SLC4A4: variants seen among roughly 807,000 people sequenced by gnomAD.
The protein encoded by SLC4A4 is electrogenic sodium bicarbonate cotransporter 1.
SLC4A4 carries 27 observed loss-of-function variants against 111.5 expected under a neutral mutation model. The observed-to-expected ratio is 0.24, with a 90% CI of 0.18 to 0.33. The LOEUF is 0.33. SLC4A4 is among the 10% of genes least tolerant of loss of function. SLC4A4 has a pLI of 1.00. For missense variants in SLC4A4, 909 were observed against 1,315.5 expected (o/e 0.69, Z 4.78); for synonymous variants, 443 against 463.4 (o/e 0.96, Z 0.57).
In SLC4A4 at chr4:71,566,907, T is replaced by A. The variant is rs186893793; in HGVS notation, c.3197-97T>A. The A allele has an allele frequency of 2.0e-4, 182 of 908,708 alleles. 1 individual carries two copies. The African/African-American group carries it at 2.7e-3, about 13-fold the overall frequency. The allele number at this position is 908,708 out of a possible 1,614,324, so 56.3% of individuals were successfully genotyped here. ...TGCCTAAACTTGTCTTTTTTACTCT[T>A]ACCAGTTATGGAAGATGCATCAATT... On this transcript the variant is annotated intron_variant, in intron 24 of 25. Transcript: ENST00000264485.
chr4:71,128,453 C>G (rs149637608), intron 2 of SLC4A4, among the ~76,000 whole-genome samples: 1 of 151,904 alleles, frequency 6.6e-6, no homozygotes, highest in Non-Finnish European at 1.5e-5. Flanking sequence ...TATCAAAGAC[C>G]CTGTCTCAAA....
chr4:71,127,278 C>T (rs1008505949), intron 2 of SLC4A4, among the ~76,000 whole-genome samples: 5 of 152,252 alleles, frequency 3.3e-5, no homozygotes, highest in Non-Finnish European at 5.9e-5. Context: ...AGCGAGGGGT[C>T]CTGAACTTAA....
chr4:71,363,505 C>A lies in SLC4A4; in HGVS notation c.730+6318C>A, dbSNP rs533212974. ...TTGTTCTGCTTTCCAGGCCATCCCC[C>A]CAACTGCCCCATACCCTTGAATTCA... On this transcript the variant is annotated intron_variant, in intron 6 of 25. Coordinates refer to ENST00000264485, the MANE Select transcript of SLC4A4 (RefSeq NM_001098484.3). Among the ~76,000 whole-genome samples, 69 of 152,308 alleles carry A rather than the reference C, an allele frequency of 4.5e-4. No individual in the cohort carries two copies. In the South Asian group the frequency reaches 0.014, roughly 31 times the overall value.
chr4:71,102,440 G>A (rs1578481079), intron 2 of SLC4A4, among the ~76,000 whole-genome samples: 1 of 151,570 alleles, frequency 6.6e-6, no homozygotes, highest in Non-Finnish European at 1.5e-5. Context: ...CATACTCCTC[G>A]AGAAGAGCAA....
chr4:71,493,970 A>T (rs1730176483), intron 15 of SLC4A4, among the ~76,000 whole-genome samples: 1 of 151,852 alleles, frequency 6.6e-6, no homozygotes, highest in Non-Finnish European at 1.5e-5. Context: ...ACTTTTTCAT[A>T]GTGTTTTGTG....
intron 16 of SLC4A4, among the ~76,000 whole-genome samples, chr4:71,502,324 A>G (rs1453962260): frequency 6.6e-6 from 1 of 152,114 alleles, no homozygotes; most frequent in Non-Finnish European, 1.5e-5. Context: ...AACTTGTCTT[A>G]GTCTTTATTT....
At chr4:71,384,269 T>C (rs1405729667) in intron 6 of SLC4A4, among the ~76,000 whole-genome samples, 1 of 152,206 alleles carries the variant, frequency 6.6e-6, no homozygotes, top group Non-Finnish European at 1.5e-5. Flanking sequence ...GGACAGGTTG[T>C]ACCCTACCTC....
intron 2 of SLC4A4, among the ~76,000 whole-genome samples, chr4:71,111,526 T>A (rs908952544): frequency 9.6e-5 from 1 of 10,372 alleles, no homozygotes; most frequent in Non-Finnish European, 3.0e-4. Context: ...ACGCTCAGGT[T>A]TTTTTTTTTT....
chr4:71,133,936 A>T (rs1345274703), intron 2 of SLC4A4, among the ~76,000 whole-genome samples: 2 of 152,124 alleles, frequency 1.3e-5, no homozygotes, highest in East Asian at 3.9e-4. Context: ...ACAACCATTG[A>T]TTTCCCCATG....
intron 2 of SLC4A4, among the ~76,000 whole-genome samples, chr4:71,147,668 G>C (rs1394934165): frequency 1.3e-5 from 2 of 152,130 alleles, no homozygotes; most frequent in African/African-American, 4.8e-5. Context: ...TTGTGACATG[G>C]AACATCACAT....
At chr4:71,353,905 C>T (rs1477115465) in intron 5 of SLC4A4, among the ~76,000 whole-genome samples, 1 of 152,216 alleles carries the variant, frequency 6.6e-6, no homozygotes. Flanking sequence ...GGCCCTGCAC[C>T]ATGATGCGCG....
chr4:71,570,119 CT>C lies in SLC4A4; in HGVS notation c.*2372del, dbSNP rs1737828428. Reference sequence around the variant, plus strand: ...CCGTGATCTTCTTAAGTTAAAGGTACTTTTGTTTTATAAAAGCTCTAGATAA... The same window carrying C: ...CCGTGATCTTCTTAAGTTAAAGGTACTTTGTTTTATAAAAGCTCTAGATAA... On this transcript the variant is annotated 3_prime_UTR_variant, in exon 26 of 26. Coordinates refer to ENST00000264485, the MANE Select transcript of SLC4A4 (RefSeq NM_001098484.3). The C allele has an allele frequency of 6.6e-6, 1 of 151,680 alleles. No homozygotes were observed. The highest frequency in any genetic ancestry group is 2.1e-4 in the South Asian group (1 of 4,818). 9.4% of individuals were successfully genotyped at this position (151,680 alleles called of 1,614,324 possible). A position where few individuals can be genotyped will look rare whatever the true frequency, so the allele number is the denominator to read the frequency against.
chr4:71,542,783 T>G (rs1735179675), intron 18 of SLC4A4, among the ~76,000 whole-genome samples: 1 of 152,072 alleles, frequency 6.6e-6, no homozygotes, highest in African/African-American at 2.4e-5. Flanking sequence ...AAACACCTGT[T>G]GTTTTGACCA....
At chr4:71,147,312 T>C (rs1578524133) in intron 2 of SLC4A4, among the ~76,000 whole-genome samples, 2 of 152,260 alleles carry the variant, frequency 1.3e-5, no homozygotes, top group Middle Eastern at 6.8e-3. Flanking sequence ...TATGTTTGCC[T>C]TTTCTCTCTT....
intron 16 of SLC4A4, among the ~76,000 whole-genome samples, chr4:71,528,138 A>G (rs2149204050): frequency 6.6e-6 from 1 of 152,234 alleles, no homozygotes; most frequent in East Asian, 1.9e-4. Flanking sequence ...GAAAAATTAT[A>G]TTGGATAATT....
chr4:71,299,973 C>G (rs953834851), intron 3 of SLC4A4, among the ~76,000 whole-genome samples: 3 of 152,034 alleles, frequency 2.0e-5, no homozygotes, highest in Non-Finnish European at 2.9e-5. Context: ...TTTCTCAGGC[C>G]CAGGTATTGA....
At chr4:71,546,144 C>T (rs1735499719) in intron 18 of SLC4A4, among the ~76,000 whole-genome samples, 2 of 151,998 alleles carry the variant, frequency 1.3e-5, no homozygotes. Flanking sequence ...CAGAAGGTCT[C>T]TACCATAGCA....
At chr4:71,386,129 G>T (rs976269751) in intron 6 of SLC4A4, among the ~76,000 whole-genome samples, 2 of 151,220 alleles carry the variant, frequency 1.3e-5, no homozygotes, top group African/African-American at 2.4e-5. Context: ...TTGAAATCAT[G>T]TTCCCATTAT....
At chr4:71,379,441 A>G (rs902093185) in intron 6 of SLC4A4, among the ~76,000 whole-genome samples, 1 of 152,080 alleles carries the variant, frequency 6.6e-6, no homozygotes, top group Non-Finnish European at 1.5e-5. Context: ...GATGTGACTA[A>G]ATTTAACCTA....
Sources: allele counts gnomAD v4.1 joint callset (sites outside exome capture counted in the v4.1 genomes callset), GRCh38; gene constraint gnomAD v4.1.1; transcripts MANE v1.5; gene names NCBI Gene and HGNC (gene_info 2026-07-23, HGNC 2026-07-21).